The following SLC36A1 variants were observed in gnomAD, a reference collection of about 807,000 sequenced individuals.
SLC36A1 encodes the protein proton-coupled amino acid transporter 1.
Under a neutral mutation model 47.5 loss-of-function variants are expected in SLC36A1, and 30 were observed. That is an observed-to-expected ratio of 0.63 (90% CI 0.47 to 0.86). The LOEUF (loss-of-function observed/expected upper bound fraction) is 0.86, where lower values mean the gene tolerates loss of function less well. SLC36A1 is among the 40% of genes least tolerant of loss of function. The probability of loss-of-function intolerance (pLI) is 0.00; values close to 1 mark genes in which losing one functional copy is unlikely to be tolerated. For missense variants in SLC36A1, 517 were observed against 606.0 expected (o/e 0.85, Z 1.54); for synonymous variants, 255 against 249.7 (o/e 1.02, Z -0.20).
chr5:151,465,237 A>G lies in SLC36A1; in HGVS notation c.419+68A>G. ...TGAGGCCTTCAGATGGGGAGGTGCA[A>G]CGTGGGAGACAGTGTAAAGCGTGGA... On this transcript the variant is annotated intron_variant, in intron 5 of 10. Transcript: ENST00000243389. 3.4e-6 allele frequency: 4 copies of G among 1,193,706 alleles called. No individual in the cohort carries two copies. The South Asian group carries it at 4.8e-5, about 14-fold the overall frequency. The allele number at this position is 1,193,706 out of a possible 1,614,324, so 73.9% of individuals were successfully genotyped here.
chr5:151,368,746 C>G, the SLC36A1 span, among the ~76,000 whole-genome samples: 4 of 152,126 alleles, frequency 2.6e-5, no homozygotes, highest in Non-Finnish European at 5.9e-5. Context: ...AGTTCCCATC[C>G]TAAGAGTGTG....
the SLC36A1 span, chr5:151,406,410 C>T: frequency 6.6e-6 from 1 of 152,234 alleles, no homozygotes; most frequent in South Asian, 2.1e-4. Context: ...CCCCATGCAC[C>T]TTCTTCACTC....
At chr5:151,466,980 G>A (rs967429149) in intron 5 of SLC36A1, among the ~76,000 whole-genome samples, 2 of 152,136 alleles carry the variant, frequency 1.3e-5, no homozygotes, top group African/African-American at 4.8e-5. Context: ...TTGGGGAAAA[G>A]CACTGTTAAA....
chr5:151,505,716 A>G, the SLC36A1 span: 15 of 1,613,778 alleles, frequency 9.3e-6, no homozygotes, highest in African/African-American at 1.3e-5. Context: ...GCTGAGGCGC[A>G]TACCCACCCC....
chr5:151,509,833 T>G, the SLC36A1 span: 2 of 625,956 alleles, frequency 3.2e-6, no homozygotes, highest in Non-Finnish European at 5.7e-6. Flanking sequence ...GTGGAAAAAG[T>G]GTCTTCCATG....
chr5:151,377,353 T>C, the SLC36A1 span, among the ~76,000 whole-genome samples: 4 of 147,126 alleles, frequency 2.7e-5, no homozygotes, highest in African/African-American at 7.5e-5. Flanking sequence ...CTTTCTTTTT[T>C]TTTTTTTTTT....
At chr5:151,532,659 T>C in the SLC36A1 span, among the ~76,000 whole-genome samples, 1 of 152,188 alleles carries the variant, frequency 6.6e-6, no homozygotes, top group Non-Finnish European at 1.5e-5. Flanking sequence ...TGGAAGTTCT[T>C]AGTAAATCAA....
At chr5:151,436,564 A>T (rs77874366), upstream of SLC36A1, among the ~76,000 whole-genome samples, 723 of 151,652 alleles carry the variant, frequency 4.8e-3, 11 homozygotes, top group African/African-American at 0.017. Flanking sequence ...GTCACAGGAG[A>T]ACCCACAGAT....
chr5:151,534,423 C>T, the SLC36A1 span: 15 of 1,606,808 alleles, frequency 9.3e-6, no homozygotes, highest in Middle Eastern at 1.9e-4. Context: ...GTCGGGATCC[C>T]GGGCAAATAC....
At chr5:151,548,148 A>T in the SLC36A1 span, among the ~76,000 whole-genome samples, 3 of 152,184 alleles carry the variant, frequency 2.0e-5, no homozygotes, top group Admixed American at 6.5e-5. Flanking sequence ...CAAAAAGAAA[A>T]GGTAAAGCTA....
chr5:151,539,310 G>T, the SLC36A1 span, among the ~76,000 whole-genome samples: 1 of 152,214 alleles, frequency 6.6e-6, no homozygotes. Context: ...GGAGATATAT[G>T]TATTTATGTG....
the SLC36A1 span, chr5:151,378,239 C>A: frequency 4.4e-6 from 1 of 225,544 alleles, no homozygotes; most frequent in Non-Finnish European, 9.4e-6. Flanking sequence ...ATACAAAGTT[C>A]TGGTTCATTA....
At chr5:151,433,243 T>TAC (rs1759502542), upstream of SLC36A1, among the ~76,000 whole-genome samples, 6 of 12,062 alleles carry the variant, frequency 5.0e-4, no homozygotes, top group African/African-American at 1.9e-3. Flanking sequence ...TATATATATA[T>TAC]ATATATATAT....
chr5:151,503,379 TA>T, the SLC36A1 span, among the ~76,000 whole-genome samples: 19 of 148,072 alleles, frequency 1.3e-4, 1 homozygote, highest in African/African-American at 4.8e-4. Flanking sequence ...AAAACTGCTC[TA>T]AAAAAATTCT....
At chr5:151,408,379 G>A in the SLC36A1 span, among the ~76,000 whole-genome samples, 1 of 152,050 alleles carries the variant, frequency 6.6e-6, no homozygotes, top group African/African-American at 2.4e-5. Context: ...AATAGTGACA[G>A]GGTTTCACCA....
At chr5:151,551,633 A>G in the SLC36A1 span, 1 of 1,613,290 alleles carries the variant, frequency 6.2e-7, no homozygotes, top group Non-Finnish European at 8.5e-7. Context: ...GAGAAAGCAC[A>G]CACAACCTCA....
the SLC36A1 span, chr5:151,542,649 A>C: frequency 1.2e-6 from 2 of 1,614,218 alleles, no homozygotes; most frequent in Non-Finnish European, 1.7e-6. Flanking sequence ...CATCTCTCCC[A>C]GTGTCCTTGT....
the SLC36A1 span, chr5:151,544,295 T>A: frequency 1.9e-6 from 3 of 1,614,026 alleles, no homozygotes; most frequent in Non-Finnish European, 2.5e-6. Flanking sequence ...ATGGAAGTGG[T>A]ATAGACCAAT....
the SLC36A1 span, chr5:151,510,062 T>A: frequency 6.2e-7 from 1 of 1,614,154 alleles, no homozygotes; most frequent in Non-Finnish European, 8.5e-7. Context: ...AGGAAGCTCC[T>A]TTGGGGGAGA....
Sources: gnomAD v4.1 joint callset for allele counts (sites outside exome capture counted in the v4.1 genomes callset) on GRCh38, gnomAD v4.1.1 for gene constraint, MANE v1.5 for transcripts, NCBI Gene and HGNC (gene_info 2026-07-23, HGNC 2026-07-21) for gene names.